The following KDM4C variants were observed in gnomAD, a reference collection of about 807,000 sequenced individuals.
KDM4C encodes the protein lysine demethylase 4C.
A neutral mutation model predicts 129.3 loss-of-function variants in KDM4C; 81 were observed. That is an observed-to-expected ratio of 0.63 (90% CI 0.52 to 0.75). KDM4C has a LOEUF of 0.75. Among genes scored for constraint, KDM4C ranks in the 30% least tolerant of loss-of-function variants. The pLI is 0.00. For synonymous variants in KDM4C, 573 were observed against 456.1 expected (o/e 1.26, Z -3.26); for missense variants, 1,457 against 1,304.0 (o/e 1.12, Z -1.81).
chr9:7,019,326 C>G (rs911705355), intron 15 of KDM4C, among the ~76,000 whole-genome samples: 1 of 152,118 alleles, frequency 6.6e-6, no homozygotes, highest in Non-Finnish European at 1.5e-5. Flanking sequence ...CAGAGGAGCC[C>G]TAGCCTCCTT....
chr9:7,046,378 G>T (rs962240265), intron 15 of KDM4C, among the ~76,000 whole-genome samples: 2 of 151,956 alleles, frequency 1.3e-5, no homozygotes, highest in African/African-American at 4.8e-5. Context: ...GGTGAAAAGA[G>T]TATCGTTTAA....
intron 1 of KDM4C, among the ~76,000 whole-genome samples, chr9:6,732,458 G>A (rs951624826): frequency 6.6e-6 from 1 of 151,462 alleles, no homozygotes; most frequent in Non-Finnish European, 1.5e-5. Context: ...CACTTTGGGA[G>A]GCCGAGGTGG....
At chr9:7,009,512 T>G (rs1822294690) in intron 12 of KDM4C, among the ~76,000 whole-genome samples, 1 of 152,166 alleles carries the variant, frequency 6.6e-6, no homozygotes, top group Non-Finnish European at 1.5e-5. Flanking sequence ...ATCAAAGGTG[T>G]TATTAAGAGA....
At chr9:7,064,841 CTG>C (rs975347324) in intron 17 of KDM4C, among the ~76,000 whole-genome samples, 2 of 152,170 alleles carry the variant, frequency 1.3e-5, no homozygotes, top group Non-Finnish European at 2.9e-5. Flanking sequence ...CAGTGAACAA[CTG>C]TCTTCTTCTA....
chr9:7,101,946 T>C (rs1026215897), intron 17 of KDM4C, among the ~76,000 whole-genome samples: 2 of 152,128 alleles, frequency 1.3e-5, no homozygotes, highest in East Asian at 1.9e-4. Context: ...TTTCAAATAA[T>C]TGGAACTGAC....
chr9:7,149,774 G>C (rs928623322), intron 19 of KDM4C, among the ~76,000 whole-genome samples: 4 of 152,170 alleles, frequency 2.6e-5, no homozygotes, highest in African/African-American at 7.2e-5. Flanking sequence ...TCAGCTCATT[G>C]GTCAGAGAGT....
chr9:7,103,534 C>G, intron 17 of KDM4C, 151 bp from the exon 18 acceptor site: 1 of 617,638 alleles, frequency 1.6e-6, no homozygotes, highest in South Asian at 2.1e-5. Flanking sequence ...GATGCTGTCA[C>G]CACTAGGGCC....
At position 7,146,328 on chromosome 9, in the gene KDM4C, T is replaced by C. The variant is rs560743030; in HGVS notation, c.2781+18092T>C. Among the ~76,000 whole-genome samples, 3 of 152,346 alleles carry C rather than the reference T, an allele frequency of 2.0e-5. No homozygotes were observed. The South Asian group carries it at 6.2e-4, about 32-fold the overall frequency. On this transcript the variant is annotated intron_variant, in intron 19 of 21. Coordinates refer to ENST00000381309, the MANE Select transcript of KDM4C (RefSeq NM_015061.6). ...TCCATATGAACGTGTTTTATTTTTA[T>C]AATCAGAAAAAGTTTTTTTAAAAAA...
intron 12 of KDM4C, among the ~76,000 whole-genome samples, chr9:7,004,805 A>G (rs1330070047): frequency 1.3e-5 from 2 of 152,224 alleles, no homozygotes; most frequent in Non-Finnish European, 1.5e-5. Context: ...CTGTGTTGTC[A>G]TCTTAAACAC....
intron 8 of KDM4C, among the ~76,000 whole-genome samples, chr9:6,975,675 T>C (rs1832798764): frequency 6.6e-6 from 1 of 152,080 alleles, no homozygotes; most frequent in Non-Finnish European, 1.5e-5. Flanking sequence ...CATGGTTAAG[T>C]ATAGAGTGGT....
rs150244933 is a variant in KDM4C, at chr9:6,789,036, C to G, written c.-17-3936C>G. Among the ~76,000 whole-genome samples the G allele has an allele frequency of 1.3e-3, 194 of 151,534 alleles. 1 individual carries two copies. Among genetic ancestry groups the G allele is most frequent in the Admixed American group, 0.01 (156 of 15,202 alleles). On this transcript the variant is annotated intron_variant, in intron 1 of 21. Coordinates refer to ENST00000381309, the MANE Select transcript of KDM4C (RefSeq NM_015061.6). ...CATAGTAGTTAGGTGAGGGCCAGAT[C>G]CAGATTTTTGTTTTTTTTTTTTTTT...
chr9:6,975,100 A>G lies in KDM4C; in HGVS notation c.922-5825A>G, dbSNP rs78183097. Among the ~76,000 whole-genome samples, 22 of 152,356 alleles carry G rather than the reference A, an allele frequency of 1.4e-4. No individual in the cohort carries two copies. The East Asian group carries it at 4.2e-3, about 29-fold the overall frequency. ...TCAGAAAGATTGAGTTTCTAGTCCC[A>G]TACCTTAAATTGCTTTATAATTGCC... On this transcript the variant is annotated intron_variant, in intron 8 of 21. Coordinates refer to ENST00000381309, the MANE Select transcript of KDM4C (RefSeq NM_015061.6).
chr9:7,069,276 T>A (rs1832877912), intron 17 of KDM4C, among the ~76,000 whole-genome samples: 1 of 152,230 alleles, frequency 6.6e-6, no homozygotes, highest in East Asian at 1.9e-4. Context: ...ATAAATGATA[T>A]TAGGGTTGTT....
At chr9:7,054,531 A>G (rs1213753751) in intron 17 of KDM4C, among the ~76,000 whole-genome samples, 1 of 152,238 alleles carries the variant, frequency 6.6e-6, no homozygotes, top group Non-Finnish European at 1.5e-5. Context: ...ATAACAAATG[A>G]TGTTTTTATG....
At chr9:6,865,304 C>T (rs893481968) in intron 5 of KDM4C, among the ~76,000 whole-genome samples, 12 of 151,944 alleles carry the variant, frequency 7.9e-5, no homozygotes, top group Non-Finnish European at 1.5e-4. Flanking sequence ...CAAAGTGCCC[C>T]GTCTTTGTTA....
chr9:6,757,767 G>A, upstream of KDM4C: 1 of 985,604 alleles, frequency 1.0e-6, no homozygotes, highest in African/African-American at 1.7e-5. Context: ...TTCTACGCGA[G>A]TATCTTTCCC....
At chr9:6,785,331 T>A (rs2130803073) in intron 1 of KDM4C, among the ~76,000 whole-genome samples, 1 of 144,652 alleles carries the variant, frequency 6.9e-6, no homozygotes, top group South Asian at 2.1e-4. Flanking sequence ...CTGTCTCTTC[T>A]CCTCTTCCTC....
rs1314660306 is a variant in KDM4C at position 7,169,694 on chromosome 9, T to C, written c.2902-104T>C. The C allele has an allele frequency of 1.4e-5, 12 of 886,822 alleles. No homozygotes were observed. In the East Asian group the frequency reaches 3.2e-4, roughly 24 times the overall value. 54.9% of individuals were successfully genotyped at this position (886,822 alleles called of 1,614,324 possible). ...GGTTGTTGGCTGGTTCCCTTGTTTG[T>C]TCTGTTTGAGTCCTTTTCATCTTTT... On this transcript the variant is annotated intron_variant, in intron 20 of 21. Coordinates refer to ENST00000381309, the MANE Select transcript of KDM4C (RefSeq NM_015061.6).
intron 4 of KDM4C, among the ~76,000 whole-genome samples, chr9:6,847,563 TG>T (rs1367870004): frequency 6.6e-6 from 1 of 152,140 alleles, no homozygotes; most frequent in Non-Finnish European, 1.5e-5. Flanking sequence ...GCTAATTTTT[TG>T]TATTTTTAGT....
Sources: allele counts gnomAD v4.1 joint callset (sites outside exome capture counted in the v4.1 genomes callset), GRCh38; gene constraint gnomAD v4.1.1; transcripts MANE v1.5; gene names NCBI Gene and HGNC (gene_info 2026-07-23, HGNC 2026-07-21).